Variants in EXT1 observed in about 807,000 individuals in gnomAD.
The protein encoded by EXT1 is exostosin glycosyltransferase 1.
Under a neutral mutation model 82.5 loss-of-function variants are expected in EXT1, and 20 were observed. The observed-to-expected ratio is 0.24, with a 90% CI of 0.17 to 0.35. The LOEUF is 0.35. Among genes scored for constraint, EXT1 ranks in the 10% least tolerant of loss-of-function variants. EXT1 has a pLI of 1.00. For synonymous variants in EXT1, 348 were observed against 350.8 expected (o/e 0.99, Z 0.09); for missense variants, 757 against 936.5 (o/e 0.81, Z 2.50).
At chr8:117,843,074 T>C (rs555608744) in intron 1 of EXT1, among the ~76,000 whole-genome samples, 1 of 152,198 alleles carries the variant, frequency 6.6e-6, no homozygotes, top group Non-Finnish European at 1.5e-5. Context: ...AATCTTTCCT[T>C]ATACACAAGT....
At chr8:117,856,546 G>A (rs1344700742) in intron 1 of EXT1, among the ~76,000 whole-genome samples, 5 of 151,126 alleles carry the variant, frequency 3.3e-5, no homozygotes, top group Admixed American at 2.0e-4. Flanking sequence ...GATTACAGGC[G>A]TGAGCCACCG....
chr8:117,927,872 TA>T (rs1486796288), intron 1 of EXT1, among the ~76,000 whole-genome samples: 1 of 152,226 alleles, frequency 6.6e-6, no homozygotes, highest in Non-Finnish European at 1.5e-5. Flanking sequence ...CTAGATCCTG[TA>T]AATTGGTAGT....
At chr8:118,009,933 G>C (rs1262876671) in intron 1 of EXT1, among the ~76,000 whole-genome samples, 1 of 152,108 alleles carries the variant, frequency 6.6e-6, no homozygotes, top group Non-Finnish European at 1.5e-5. Flanking sequence ...AAAACAAGGA[G>C]GTCTTCAACT....
intron 1 of EXT1, among the ~76,000 whole-genome samples, chr8:118,017,676 G>C (rs533018547): frequency 2.0e-5 from 3 of 152,240 alleles, no homozygotes; most frequent in African/African-American, 7.2e-5. Flanking sequence ...CCCCAAAATG[G>C]CTTTTGCAAA....
At chr8:117,845,744 T>C (rs932136001) in intron 1 of EXT1, among the ~76,000 whole-genome samples, 8 of 152,030 alleles carry the variant, frequency 5.3e-5, no homozygotes, top group African/African-American at 1.9e-4. Context: ...TGAGCCACCA[T>C]GCCTGGCCAG....
intron 1 of EXT1, among the ~76,000 whole-genome samples, chr8:118,094,779 G>C (rs1213877935): frequency 6.6e-6 from 1 of 152,172 alleles, no homozygotes; most frequent in Non-Finnish European, 1.5e-5. Context: ...TCCTCAGCTG[G>C]AAGTCAAGAG....
At chr8:118,066,424 G>A (rs2129953962) in intron 1 of EXT1, among the ~76,000 whole-genome samples, 2 of 151,726 alleles carry the variant, frequency 1.3e-5, no homozygotes, top group Middle Eastern at 3.4e-3. Flanking sequence ...GCAGTGGCAT[G>A]ATCTCGGCTC....
intron 1 of EXT1, among the ~76,000 whole-genome samples, chr8:117,923,598 T>C (rs942187669): frequency 1.3e-5 from 2 of 151,082 alleles, no homozygotes; most frequent in African/African-American, 4.9e-5. Context: ...TGGTGGCGGT[T>C]GCCTGTAGTC....
chr8:117,893,073 C>T (rs116130432), intron 1 of EXT1, among the ~76,000 whole-genome samples: 1,532 of 152,302 alleles, frequency 0.01, 23 homozygotes, highest in African/African-American at 0.035. Flanking sequence ...TGAAACATTA[C>T]AGTACACATT....
chr8:117,812,782 A>C, intron 8 of EXT1, 90 bp downstream of exon 8: 3 of 1,208,572 alleles, frequency 2.5e-6, no homozygotes, highest in Non-Finnish European at 3.6e-6. Flanking sequence ...AACTTCTGCC[A>C]AGGCACGGCT....
intron 5 of EXT1, 55 bp downstream of exon 5, chr8:117,822,409 TC>T (rs1339896098): frequency 1.8e-5 from 29 of 1,598,430 alleles, no homozygotes; most frequent in Non-Finnish European, 2.5e-5. Flanking sequence ...GGCCTTTAGT[TC>T]TGTATGACAT....
chr8:117,827,843 C>T (rs561591052), intron 4 of EXT1, among the ~76,000 whole-genome samples: 50 of 119,160 alleles, frequency 4.2e-4, no homozygotes, highest in South Asian at 1.4e-3. Flanking sequence ...TTATTTGAAA[C>T]GGACTTCAAA....
intron 1 of EXT1, 149 bp downstream of exon 1, chr8:118,109,936 C>A: frequency 6.2e-6 from 8 of 1,290,896 alleles, no homozygotes. Context: ...TAGCTGCACA[C>A]CCGAACCGGA....
At chr8:117,867,809 A>G (rs573091470) in intron 1 of EXT1, among the ~76,000 whole-genome samples, 1 of 152,320 alleles carries the variant, frequency 6.6e-6, no homozygotes, top group South Asian at 2.1e-4. Flanking sequence ...GTAATGGTCA[A>G]TGTGTATGAA....
At chr8:117,816,070 A>G (rs1257440678) in intron 7 of EXT1, among the ~76,000 whole-genome samples, 1 of 152,104 alleles carries the variant, frequency 6.6e-6, no homozygotes, top group East Asian at 1.9e-4. Context: ...ATAAAACACA[A>G]TAATAGTTAA....
At chr8:117,966,002 A>G (rs979912887) in intron 1 of EXT1, among the ~76,000 whole-genome samples, 2 of 151,986 alleles carry the variant, frequency 1.3e-5, no homozygotes, top group African/African-American at 4.8e-5. Flanking sequence ...ATACACACAC[A>G]CACACACACA....
chr8:117,830,549 C>T (rs1812081963), intron 3 of EXT1, among the ~76,000 whole-genome samples, 200 bp from the exon 4 acceptor site: 1 of 152,134 alleles, frequency 6.6e-6, no homozygotes, highest in South Asian at 2.1e-4. Flanking sequence ...GGGAATCCAC[C>T]CCAATGGCCT....
At chr8:117,951,769 C>A (rs1814495968) in intron 1 of EXT1, among the ~76,000 whole-genome samples, 1 of 152,192 alleles carries the variant, frequency 6.6e-6, no homozygotes, top group African/African-American at 2.4e-5. Flanking sequence ...ATCTGGCCTG[C>A]CACCTGTTTT....
chr8:117,858,875 A>C (rs1812632105), intron 1 of EXT1, among the ~76,000 whole-genome samples: 1 of 92,724 alleles, frequency 1.1e-5, no homozygotes, highest in African/African-American at 3.6e-5. Flanking sequence ...GAAAGAAAGA[A>C]AGAAAGAAAG....
Sources: gnomAD v4.1 joint callset for allele counts (sites outside exome capture counted in the v4.1 genomes callset) on GRCh38, gnomAD v4.1.1 for gene constraint, MANE v1.5 for transcripts, NCBI Gene and HGNC (gene_info 2026-07-23, HGNC 2026-07-21) for gene names.